The following MYO1E variants were observed in gnomAD, a reference collection of about 807,000 sequenced individuals.
MYO1E encodes unconventional myosin-Ie.
In MYO1E, 68 loss-of-function variants were observed where a neutral mutation model predicts 151.1. The observed-to-expected ratio is 0.45, with a 90% CI of 0.37 to 0.55. MYO1E has a LOEUF of 0.55. Among genes scored for constraint, MYO1E ranks in the 20% least tolerant of loss-of-function variants. The pLI, the probability that MYO1E is intolerant of heterozygous loss-of-function variation, is 0.00. For missense variants in MYO1E, 1,363 were observed against 1,389.3 expected, an observed-to-expected ratio of 0.98 and a Z score of 0.30; for synonymous variants, 601 against 501.7, an observed-to-expected ratio of 1.20 and a Z score of -2.64.
At position 59,191,023 on chromosome 15, in the gene MYO1E, G is replaced by A. The variant is rs375042428; in HGVS notation, c.1806-2807C>T. 3.9e-5 allele frequency among the ~76,000 whole-genome samples: 6 copies of A among 152,214 alleles called. No homozygotes were observed. In the South Asian group the frequency reaches 1.2e-3, roughly 32 times the overall value. ...GAGGGGGACAGATGAAGCTCGAAGT[G>A]GGGGTGCAACCTTGGCTGATGGGAA... On this transcript the variant is annotated intron_variant, in intron 17 of 27. Coordinates refer to ENST00000288235, the MANE Select transcript of MYO1E (RefSeq NM_004998.4).
intron 17 of MYO1E, among the ~76,000 whole-genome samples, chr15:59,188,673 A>G (rs147420311): frequency 0.048 from 7,273 of 152,280 alleles, 193 homozygotes; most frequent in African/African-American, 0.071. Flanking sequence ...TCCAGCCTGC[A>G]TGACAGAGTG....
At chr15:59,216,643 A>AGTGTGTGTGTGTGC (rs1555411929) in intron 10 of MYO1E, among the ~76,000 whole-genome samples, 1 of 43,478 alleles carries the variant, frequency 2.3e-5, no homozygotes, top group African/African-American at 9.1e-5. Context: ...AAGGGCCCCC[A>AGTGTGTGTGTGTGC]GTGTGTGTGT....
intron 1 of MYO1E, among the ~76,000 whole-genome samples, chr15:59,295,478 C>T (rs1567006436): frequency 6.6e-6 from 1 of 152,166 alleles, no homozygotes; most frequent in African/African-American, 2.4e-5. Context: ...GTACTTGGCA[C>T]TACAGACAGG....
chr15:59,227,099 C>T (rs988619044), intron 7 of MYO1E, among the ~76,000 whole-genome samples: 18 of 152,342 alleles, frequency 1.2e-4, no homozygotes, highest in African/African-American at 4.3e-4. Flanking sequence ...TGTCTTCCCT[C>T]ATCAATCCCC....
At chr15:59,209,354 C>A (rs1250291655) in intron 13 of MYO1E, among the ~76,000 whole-genome samples, 2 of 152,128 alleles carry the variant, frequency 1.3e-5, no homozygotes, top group African/African-American at 4.8e-5. Flanking sequence ...CTATACTTCT[C>A]TGTTCTGATA....
intron 26 of MYO1E, among the ~76,000 whole-genome samples, chr15:59,147,610 A>AAAAAAAAAAAAAAAAAAG (rs1207624642): frequency 6.6e-6 from 1 of 151,226 alleles, no homozygotes; most frequent in Non-Finnish European, 1.5e-5. Context: ...AAAAAAAAAA[A>AAAAAAAAAAAAAAAAAAG]AAAAACAATA....
In MYO1E at chr15:59,231,811, G is replaced by A. The variant is rs371601666; in HGVS notation, c.421-20C>T. 4.5e-5 allele frequency: 72 copies of A among 1,613,094 alleles called. No homozygotes were observed. The highest frequency in any genetic ancestry group is 6.7e-5 in the East Asian group (3 of 44,890). On this transcript the variant is annotated intron_variant, in intron 5 of 27. Coordinates refer to ENST00000288235, the MANE Select transcript of MYO1E (RefSeq NM_004998.4). ...CACGTGCTGTCCCAGCAAATAGACC[G>A]GAGGTTAGGAAGGTGTGAACACCTA...
intron 1 of MYO1E, among the ~76,000 whole-genome samples, chr15:59,277,557 A>C (rs12912038): frequency 2.1e-5 from 1 of 46,602 alleles, no homozygotes. Flanking sequence ...ACAAAAAAAA[A>C]AAAAAAAAAA....
At chr15:59,369,786 TG>T (rs2140446684) in intron 1 of MYO1E, among the ~76,000 whole-genome samples, 1 of 152,106 alleles carries the variant, frequency 6.6e-6, no homozygotes, top group South Asian at 2.1e-4. Flanking sequence ...AAAATGAAAA[TG>T]GCTATTTTCC....
At chr15:59,270,050 T>C (rs1330355782) in intron 2 of MYO1E, among the ~76,000 whole-genome samples, 1 of 152,096 alleles carries the variant, frequency 6.6e-6, no homozygotes, top group East Asian at 1.9e-4. Context: ...AAAACTGCTG[T>C]CCAAAAAATG....
chr15:59,201,402 T>A (rs2079800893), intron 16 of MYO1E, among the ~76,000 whole-genome samples: 1 of 2,616 alleles, frequency 3.8e-4, no homozygotes, highest in Non-Finnish European at 0.015. Context: ...CTGACACAGA[T>A]TTTTTTTTTT....
At chr15:59,314,909 C>G (rs1274231090) in intron 1 of MYO1E, among the ~76,000 whole-genome samples, 1 of 152,038 alleles carries the variant, frequency 6.6e-6, no homozygotes, top group Non-Finnish European at 1.5e-5. Flanking sequence ...TTACCACAGG[C>G]GGGGTGGCAG....
chr15:59,147,975 A>G (rs1322433409), intron 26 of MYO1E, among the ~76,000 whole-genome samples: 1 of 152,174 alleles, frequency 6.6e-6, no homozygotes, highest in Non-Finnish European at 1.5e-5. Flanking sequence ...GCCAGGAAAC[A>G]TCACCTTTCA....
chr15:59,282,981 A>G (rs2080366026), intron 1 of MYO1E, among the ~76,000 whole-genome samples: 3 of 80,882 alleles, frequency 3.7e-5, no homozygotes, highest in Non-Finnish European at 4.9e-5. Flanking sequence ...GGAAAGGGGA[A>G]AGGGGAAAGG....
chr15:59,307,360 A>T (rs2080520831), intron 1 of MYO1E, among the ~76,000 whole-genome samples: 1 of 152,158 alleles, frequency 6.6e-6, no homozygotes, highest in African/African-American at 2.4e-5. Flanking sequence ...TTTCTATTGG[A>T]AGGAGAACAC....
chr15:59,263,780 G>A (rs1385738519), intron 2 of MYO1E, among the ~76,000 whole-genome samples: 4 of 152,122 alleles, frequency 2.6e-5, no homozygotes, highest in Non-Finnish European at 5.9e-5. Context: ...ATGCTGATGA[G>A]ACAGTGATTG....
chr15:59,209,815 C>CTTTTTTTTTTTTTTTTTTTTTTTTTTTTT lies in MYO1E; in HGVS notation c.1362+670_1362+698dup, dbSNP rs71119441. On this transcript the variant is annotated intron_variant, in intron 13 of 27. Transcript: ENST00000288235. The stretch of plus-strand genomic sequence containing the variant: ...CTGTATCACTTTTATTTTGAATCAC[C>CTTTTTTTTTTTTTTTTTTTTTTTTTTTTT]TTTTTTTTTTTTTTTTTTTTTTTTT... Among the ~76,000 whole-genome samples the CTTTTTTTTTTTTTTTTTTTTTTTTTTTTT allele has an allele frequency of 1.4e-4, 7 of 49,840 alleles. 1 individual carries two copies. Among genetic ancestry groups the CTTTTTTTTTTTTTTTTTTTTTTTTTTTTT allele is most frequent in the Admixed American group, 2.8e-4 (1 of 3,564 alleles). The allele number at this position is 49,840 out of a possible 152,430, so 32.7% of individuals were successfully genotyped here.
intron 12 of MYO1E, among the ~76,000 whole-genome samples, chr15:59,212,988 T>C (rs1465258773): frequency 6.6e-6 from 1 of 152,058 alleles, no homozygotes; most frequent in South Asian, 2.1e-4. Context: ...TGAGGACTTC[T>C]TGACTTCAGA....
chr15:59,178,456 G>A lies in MYO1E; in HGVS notation c.1986C>T (p.Val662=), dbSNP rs1455837712. ...KQGVLHLLQS[V]NMDSDQFQLG... ...GCTGGAACTGGTCGCTGTCCATGTT[G>A]ACCGACTGCAGCAGGTGCAGGACGC... The change falls in exon 19 of 28, where the codon GTC becomes GTT. Residue 662 remains valine (V), a synonymous_variant. Coordinates refer to ENST00000288235, the MANE Select transcript of MYO1E (RefSeq NM_004998.4). 6.2e-7 allele frequency: 1 copy of A among 1,614,212 alleles called. No homozygotes were observed. The highest frequency in any genetic ancestry group is 8.5e-7 in the Non-Finnish European group (1 of 1,180,042).
Sources: allele counts gnomAD v4.1 joint callset (sites outside exome capture counted in the v4.1 genomes callset), GRCh38; gene constraint gnomAD v4.1.1; transcripts MANE v1.5; gene names NCBI Gene and HGNC (gene_info 2026-07-23, HGNC 2026-07-21).